RBFOX1: variants seen among roughly 807,000 people sequenced by gnomAD.
RBFOX1 encodes RNA binding protein fox-1 homolog 1.
Under a neutral mutation model 57.7 loss-of-function variants are expected in RBFOX1, and 8 were observed. The observed-to-expected ratio is 0.14, with a 90% CI of 0.08 to 0.25. RBFOX1 has a LOEUF of 0.25. Ranked by LOEUF, RBFOX1 falls within the 10% of genes least tolerant of loss-of-function variation. The probability of loss-of-function intolerance (pLI) is 1.00; values close to 1 mark genes in which losing one functional copy is unlikely to be tolerated. For missense variants in RBFOX1, 611 were observed against 548.5 expected (o/e 1.11, Z -1.14); for synonymous variants, 326 against 222.4 (o/e 1.47, Z -4.15).
At chr16:6,786,986 C>G (rs974192366) in intron 3 of RBFOX1, among the ~76,000 whole-genome samples, 1 of 152,088 alleles carries the variant, frequency 6.6e-6, no homozygotes, top group Non-Finnish European at 1.5e-5. Context: ...CACAGGTCAC[C>G]CATCTCACTA....
intron 3 of RBFOX1, among the ~76,000 whole-genome samples, chr16:6,703,043 A>G (rs1030500498): frequency 2.0e-5 from 3 of 152,174 alleles, no homozygotes; most frequent in Admixed American, 1.3e-4. Flanking sequence ...TATCTGGCCT[A>G]TCTCACTTGC....
intron 2 of RBFOX1, among the ~76,000 whole-genome samples, chr16:6,621,858 C>A (rs914529191): frequency 6.6e-6 from 1 of 151,978 alleles, no homozygotes; most frequent in Non-Finnish European, 1.5e-5. Flanking sequence ...AGACGCTTGA[C>A]GAACAAGGTT....
At chr16:6,105,389 A>C (rs2096366165) in intron 1 of RBFOX1, among the ~76,000 whole-genome samples, 1 of 143,312 alleles carries the variant, frequency 7.0e-6, no homozygotes, top group African/African-American at 2.8e-5. Flanking sequence ...CTCAGAAGGT[A>C]AAAAAAAAAA....
chr16:5,944,282 G>A (rs753834352), intron 4 of RBFOX1, among the ~76,000 whole-genome samples: 9 of 152,210 alleles, frequency 5.9e-5, no homozygotes, highest in Admixed American at 1.3e-4. Context: ...CTTATCTCTA[G>A]GAATGGATGA....
chr16:5,350,300 A>G (rs2065234362), intron 1 of RBFOX1, among the ~76,000 whole-genome samples: 2 of 152,156 alleles, frequency 1.3e-5, no homozygotes, highest in African/African-American at 4.8e-5. Context: ...GGCATGAAGC[A>G]TACTGTTGGC....
At chr16:5,633,069 G>C (rs1162540141) in intron 3 of RBFOX1, among the ~76,000 whole-genome samples, 2 of 151,484 alleles carry the variant, frequency 1.3e-5, no homozygotes, top group East Asian at 1.9e-4. Flanking sequence ...CTCCTGAGTA[G>C]CTGGGACTGT....
At chr16:6,284,993 C>G (rs1305565624) in intron 1 of RBFOX1, among the ~76,000 whole-genome samples, 1 of 152,088 alleles carries the variant, frequency 6.6e-6, no homozygotes, top group Non-Finnish European at 1.5e-5. Context: ...TTCACAGGAA[C>G]AAGGGCTTCA....
intron 4 of RBFOX1, chr16:7,304,334 G>A (rs2096118501): frequency 2.0e-6 from 2 of 985,162 alleles, no homozygotes; most frequent in Non-Finnish European, 2.4e-6. Flanking sequence ...AGAGAGCAAC[G>A]TGATTGCATT....
intron 4 of RBFOX1, among the ~76,000 whole-genome samples, chr16:7,358,217 A>C (rs1398056569): frequency 6.6e-6 from 1 of 152,274 alleles, no homozygotes; most frequent in African/African-American, 2.4e-5. Context: ...AACCTTTGAA[A>C]GAATACATAA....
At chr16:5,399,799 A>C (rs999533918) in intron 1 of RBFOX1, among the ~76,000 whole-genome samples, 1 of 151,722 alleles carries the variant, frequency 6.6e-6, no homozygotes, top group Non-Finnish European at 1.5e-5. Flanking sequence ...TCTCATCCCC[A>C]GTTTTGTCCA....
intron 3 of RBFOX1, among the ~76,000 whole-genome samples, chr16:6,895,759 G>T (rs955104324): frequency 6.6e-6 from 1 of 151,952 alleles, no homozygotes; most frequent in Non-Finnish European, 1.5e-5. Flanking sequence ...TGAGGAATGA[G>T]CCCTAAGACA....
rs1311613294 is a variant in RBFOX1, at chr16:6,256,048, T to TTAAATAAATAAGTAAA, written c.-126-60937_-126-60922dup. ...TGCATGTGTATCCCAGAACGTAAAGTTAAATAAATAAGTAAATAAATAAAT... is the reference window on the plus strand; with the variant it reads ...TGCATGTGTATCCCAGAACGTAAAGTTAAATAAATAAGTAAATAAATAAATAAGTAAATAAATAAAT... On this transcript the variant is annotated intron_variant, in intron 1 of 15. Transcript: ENST00000550418. 1.8e-3 allele frequency among the ~76,000 whole-genome samples: 269 copies of TTAAATAAATAAGTAAA among 149,256 alleles called. 3 individuals are homozygous for TTAAATAAATAAGTAAA. The highest frequency in any genetic ancestry group is 6.2e-3 in the African/African-American group (253 of 40,556).
At position 5,743,523 on chromosome 16, in the gene RBFOX1, T is replaced by G. The variant is rs565127563; in HGVS notation, c.319-123780T>G. 4.6e-5 allele frequency among the ~76,000 whole-genome samples: 7 copies of G among 152,356 alleles called. No homozygotes were observed. In the East Asian group the frequency reaches 1.3e-3, roughly 29 times the overall value. On this transcript the variant is annotated intron_variant, in intron 3 of 19. Coordinates refer to the RBFOX1 transcript ENST00000641259. Reference sequence around the variant, plus strand: ...TAGTCACTCAGCACGTAAAACTGACTGGTGCCACATATTAAAATGATCATT... The same window carrying G: ...TAGTCACTCAGCACGTAAAACTGACGGGTGCCACATATTAAAATGATCATT...
At chr16:6,229,621 C>T (rs1337859657) in intron 1 of RBFOX1, among the ~76,000 whole-genome samples, 2 of 151,292 alleles carry the variant, frequency 1.3e-5, no homozygotes, top group Non-Finnish European at 2.9e-5. Context: ...GAAGAGGAAC[C>T]AGGAAGAAAT....
chr16:5,631,702 C>G (rs547668133), intron 3 of RBFOX1, among the ~76,000 whole-genome samples: 8 of 152,128 alleles, frequency 5.3e-5, no homozygotes, highest in African/African-American at 1.9e-4. Context: ...CTTCCCCTAC[C>G]CTCATTTTTT....
chr16:7,667,570 C>T (rs1160883955), intron 13 of RBFOX1, among the ~76,000 whole-genome samples: 1 of 152,214 alleles, frequency 6.6e-6, no homozygotes, highest in African/African-American at 2.4e-5. Context: ...TTGGCTTACT[C>T]CTTCAAGCTC....
At chr16:5,927,297 C>A (rs954987779) in intron 4 of RBFOX1, among the ~76,000 whole-genome samples, 2 of 152,154 alleles carry the variant, frequency 1.3e-5, no homozygotes, top group Admixed American at 1.3e-4. Flanking sequence ...ATGTGTGTGG[C>A]AAACAGACTT....
rs114306680 is a variant in RBFOX1 at position 6,219,161 on chromosome 16, T to C, written c.-126-97834T>C. On this transcript the variant is annotated intron_variant, in intron 1 of 15. Transcript: ENST00000550418. ...TTTTTTATATGTCTAGCACCAGCCC[T>C]TGCTACTTTTTCTTTAGAAAATGAG... 8.4e-3 allele frequency among the ~76,000 whole-genome samples: 1,276 copies of C among 152,290 alleles called. 21 individuals are homozygous for C. The highest frequency in any genetic ancestry group is 0.029 in the African/African-American group (1,196 of 41,552).
chr16:7,470,711 GA>G (rs1284391205), intron 4 of RBFOX1, among the ~76,000 whole-genome samples: 3 of 151,966 alleles, frequency 2.0e-5, no homozygotes, highest in Non-Finnish European at 4.4e-5. Flanking sequence ...TAGATGGGGG[GA>G]AAGATGAATA....
Sources: allele counts gnomAD v4.1 joint callset (sites outside exome capture counted in the v4.1 genomes callset), GRCh38; gene constraint gnomAD v4.1.1; transcripts MANE v1.5; gene names NCBI Gene and HGNC (gene_info 2026-07-23, HGNC 2026-07-21).